Variants in CDH8 observed in about 807,000 individuals in gnomAD.
CDH8 encodes cadherin 8.
A neutral mutation model predicts 68.1 loss-of-function variants in CDH8; 17 were observed. The observed-to-expected ratio is 0.25, with a 90% CI of 0.17 to 0.37. The LOEUF is 0.37. CDH8 is among the 10% of genes least tolerant of loss of function. The probability of loss-of-function intolerance (pLI) is 1.00; values close to 1 mark genes in which losing one functional copy is unlikely to be tolerated. For missense variants in CDH8, 763 were observed against 999.3 expected (o/e 0.76, Z 3.19); for synonymous variants, 372 against 365.1 (o/e 1.02, Z -0.21).
chr16:61,800,629 C>T (rs919060248), intron 7 of CDH8, among the ~76,000 whole-genome samples: 4 of 152,184 alleles, frequency 2.6e-5, no homozygotes, highest in African/African-American at 9.7e-5. Flanking sequence ...GATTTGTCCC[C>T]TATTGCCTGT....
At chr16:61,663,445 A>G (rs1963607494) in intron 10 of CDH8, among the ~76,000 whole-genome samples, 1 of 152,004 alleles carries the variant, frequency 6.6e-6, no homozygotes, top group South Asian at 2.1e-4. Flanking sequence ...GAAGTTTTAG[A>G]AAAAAATAGA....
chr16:61,946,374 C>A (rs560360749), intron 2 of CDH8, among the ~76,000 whole-genome samples: 1 of 152,270 alleles, frequency 6.6e-6, no homozygotes, highest in South Asian at 2.1e-4. Context: ...GTGGAACTCA[C>A]AAGAATTGAA....
chr16:61,796,781 G>T (rs1961511626), intron 7 of CDH8, among the ~76,000 whole-genome samples: 1 of 152,022 alleles, frequency 6.6e-6, no homozygotes, highest in African/African-American at 2.4e-5. Flanking sequence ...TTAGCAACTT[G>T]TTCAAAGACG....
intron 2 of CDH8, among the ~76,000 whole-genome samples, chr16:61,947,200 A>C (rs1263303588): frequency 6.6e-6 from 1 of 151,662 alleles, no homozygotes; most frequent in Non-Finnish European, 1.5e-5. Flanking sequence ...TATTTGACTT[A>C]AGATTGAGTA....
intron 4 of CDH8, among the ~76,000 whole-genome samples, chr16:61,842,151 C>T (rs1164613268): frequency 6.6e-6 from 1 of 151,674 alleles, no homozygotes; most frequent in African/African-American, 2.4e-5. Flanking sequence ...TCGTGATCCG[C>T]CCGCCTGGGC....
intron 10 of CDH8, among the ~76,000 whole-genome samples, chr16:61,686,236 C>T (rs1400918331): frequency 6.6e-6 from 1 of 151,906 alleles, no homozygotes; most frequent in East Asian, 1.9e-4. Flanking sequence ...CAATATTCGT[C>T]CAGGAATACC....
intron 4 of CDH8, among the ~76,000 whole-genome samples, chr16:61,830,521 G>A (rs745935420): frequency 5.9e-5 from 9 of 151,730 alleles, no homozygotes; most frequent in Non-Finnish European, 1.0e-4. Context: ...TTAATTTAAA[G>A]CAAATTTTGA....
intron 2 of CDH8, among the ~76,000 whole-genome samples, chr16:61,941,513 A>G (rs1038613483): frequency 1.3e-5 from 2 of 152,162 alleles, no homozygotes; most frequent in Non-Finnish European, 2.9e-5. Context: ...GCAATGGCAC[A>G]GTCTCCGCTC....
intron 3 of CDH8, among the ~76,000 whole-genome samples, chr16:61,879,407 C>G (rs1170048865): frequency 6.6e-6 from 1 of 152,100 alleles, no homozygotes; most frequent in Non-Finnish European, 1.5e-5. Flanking sequence ...AAATAAATTC[C>G]CTATTTGTCA....
intron 8 of CDH8, among the ~76,000 whole-genome samples, chr16:61,733,474 T>TAA (rs556064899): frequency 4.6e-5 from 7 of 151,580 alleles, no homozygotes; most frequent in Non-Finnish European, 8.9e-5. Context: ...AATAAGAAAA[T>TAA]AAAAAAATAT....
chr16:62,020,481 C>T (rs1411286066), intron 2 of CDH8, among the ~76,000 whole-genome samples: 2 of 117,940 alleles, frequency 1.7e-5, no homozygotes, highest in South Asian at 3.2e-4. Flanking sequence ...TCCAGTCTAA[C>T]ACACACACGC....
At chr16:61,766,673 T>TTTGC (rs912456990) in intron 8 of CDH8, among the ~76,000 whole-genome samples, 2 of 151,862 alleles carry the variant, frequency 1.3e-5, no homozygotes, top group African/African-American at 4.8e-5. Context: ...TGTTTGTTTG[T>TTTGC]TTTTAACTTT....
At chr16:61,699,601 G>A (rs1324995293) in intron 10 of CDH8, among the ~76,000 whole-genome samples, 1 of 151,884 alleles carries the variant, frequency 6.6e-6, no homozygotes, top group African/African-American at 2.4e-5. Context: ...TTGAGACAGG[G>A]TCTTGCCTTG....
At chr16:61,812,311 A>G (rs1211802452) in intron 7 of CDH8, among the ~76,000 whole-genome samples, 1 of 152,226 alleles carries the variant, frequency 6.6e-6, no homozygotes, top group Non-Finnish European at 1.5e-5. Flanking sequence ...GAATACCAGT[A>G]GGAAAAAAAA....
intron 10 of CDH8, among the ~76,000 whole-genome samples, chr16:61,704,095 AC>A (rs1964486045): frequency 1.3e-5 from 2 of 152,248 alleles, no homozygotes; most frequent in East Asian, 1.9e-4. Flanking sequence ...TCTTTAAAAA[AC>A]TTTTTTGGAC....
intron 8 of CDH8, among the ~76,000 whole-genome samples, chr16:61,759,527 C>A (rs562917783): frequency 6.6e-6 from 1 of 152,200 alleles, no homozygotes; most frequent in African/African-American, 2.4e-5. Context: ...AGAATCAGTT[C>A]TCTGAAACAG....
chr16:61,952,571 A>G (rs543493067), intron 2 of CDH8, among the ~76,000 whole-genome samples: 2 of 152,204 alleles, frequency 1.3e-5, no homozygotes, highest in African/African-American at 4.8e-5. Flanking sequence ...GAGGAAATAC[A>G]TCATGAAAAC....
At chr16:61,928,519 C>A (rs1964490130) in intron 2 of CDH8, among the ~76,000 whole-genome samples, 1 of 152,154 alleles carries the variant, frequency 6.6e-6, no homozygotes, top group Non-Finnish European at 1.5e-5. Context: ...GCCTATCTCA[C>A]CTCCAACTCT....
At chr16:62,024,044 G>A (rs1007873346) in intron 1 of CDH8, among the ~76,000 whole-genome samples, 2 of 151,982 alleles carry the variant, frequency 1.3e-5, no homozygotes, top group Non-Finnish European at 2.9e-5. Flanking sequence ...TGGGGGAGGG[G>A]TTGATCTCCA....
Sources: allele counts gnomAD v4.1 joint callset (sites outside exome capture counted in the v4.1 genomes callset), GRCh38; gene constraint gnomAD v4.1.1; transcripts MANE v1.5; gene names NCBI Gene and HGNC (gene_info 2026-07-23, HGNC 2026-07-21).